ODAD4: variants seen among roughly 807,000 people sequenced by gnomAD.
The protein encoded by ODAD4 is outer dynein arm-docking complex subunit 4.
A neutral mutation model predicts 51.8 loss-of-function variants in ODAD4; 49 were observed. The ratio of observed to expected loss-of-function variants is 0.95; its 90% CI spans 0.75 to 1.20. The LOEUF is 1.20. Among genes scored for constraint, ODAD4 ranks in the 50% most tolerant of loss-of-function variants. The pLI is 0.00. For missense variants in ODAD4, 590 were observed against 586.5 expected, an observed-to-expected ratio of 1.01 and a Z score of -0.06; for synonymous variants, 235 against 221.3, an observed-to-expected ratio of 1.06 and a Z score of -0.55.
intron 10 of ODAD4, among the ~76,000 whole-genome samples, chr17:41,958,678 A>G (rs2050765000): frequency 6.7e-6 from 1 of 149,444 alleles, no homozygotes; most frequent in Non-Finnish European, 1.5e-5. Context: ...AAAAAAAAAA[A>G]GTAAATAAAA....
chr17:41,933,386 C>T (rs533306580), intron 1 of ODAD4, among the ~76,000 whole-genome samples: 22 of 150,274 alleles, frequency 1.5e-4, no homozygotes, highest in Non-Finnish European at 2.1e-4. Flanking sequence ...TCAGGTGGCT[C>T]ATGCCTGTAA....
chr17:41,945,618 G>A (rs753645504), intron 8 of ODAD4, among the ~76,000 whole-genome samples: 40 of 152,198 alleles, frequency 2.6e-4, no homozygotes, highest in Non-Finnish European at 5.0e-4. Flanking sequence ...AAAAAGCTAG[G>A]CCGGGCGCAG....
At chr17:41,948,784 C>T (rs974788917) in intron 8 of ODAD4, among the ~76,000 whole-genome samples, 1 of 151,992 alleles carries the variant, frequency 6.6e-6, no homozygotes, top group Admixed American at 6.6e-5. Context: ...GGACTACAGG[C>T]GCCTGCCACC....
chr17:41,932,157 C>A (rs956925725), intron 1 of ODAD4, among the ~76,000 whole-genome samples: 1 of 152,142 alleles, frequency 6.6e-6, no homozygotes, highest in South Asian at 2.1e-4. Context: ...CCAACCTCCA[C>A]CTCCCAGGTT....
At position 41,957,239 on chromosome 17, in the gene ODAD4, A is replaced by G. The variant is rs78667249; in HGVS notation, c.1443+1922A>G. The stretch of plus-strand genomic sequence containing the variant: ...AGCAGTCCCCAAGCTTTTTGGCACC[A>G]GGCTCCAGTTTTGCAGAAGACAGTT... On this transcript the variant is annotated intron_variant, in intron 10 of 11. Transcript: ENST00000377540. Among the ~76,000 whole-genome samples the G allele has an allele frequency of 1.4e-3, 218 of 152,210 alleles. 5 individuals are homozygous for G. In the East Asian group the frequency reaches 0.037, roughly 26 times the overall value.
At chr17:41,930,939 G>T (rs1555636719) in intron 1 of ODAD4, 102 bp downstream of exon 1, 6 of 675,412 alleles carry the variant, frequency 8.9e-6, no homozygotes, top group Non-Finnish European at 1.4e-5. Context: ...TGTTGCCTAG[G>T]CTGGAGTGCA....
rs184299114 is a variant in ODAD4 at position 41,965,266 on chromosome 17, T to C, written c.1802T>C (p.Leu601Pro). 4.6e-4 allele frequency: 359 copies of C among 778,720 alleles called. 1 individual carries two copies. Among genetic ancestry groups the C allele is most frequent in the African/African-American group, 3.7e-3 (222 of 59,212 alleles). 48.2% of individuals were successfully genotyped at this position (778,720 alleles called of 1,614,324 possible). ...TCAGGAGAAACAGGCAGGAAGCTAC[T>C]AGAAGCTGGCAGAAGAGAGTCAAGA... ...TRSGETGRKL[L>P]EAGRRESREI... Residue 601 changes from leucine to proline, a missense_variant, in exon 12 of 12, where the codon CTA (leucine) becomes CCA (proline). Around this residue, in one of 3 missense-constraint regions of ODAD4, gnomAD observed 226 missense variants for 162.7 expected, o/e 1.39. Transcript: ENST00000377540.
At chr17:41,932,771 C>T (rs868961145) in intron 1 of ODAD4, among the ~76,000 whole-genome samples, 5 of 146,094 alleles carry the variant, frequency 3.4e-5, no homozygotes, top group African/African-American at 1.3e-4. Flanking sequence ...TGCTATGTTG[C>T]CCTGGCTGGT....
chr17:41,962,492 CA>C (rs1309876310), intron 11 of ODAD4, among the ~76,000 whole-genome samples: 1 of 152,158 alleles, frequency 6.6e-6, no homozygotes, highest in East Asian at 1.9e-4. Flanking sequence ...CCTAGAGGAA[CA>C]GGGGTGTTAA....
At chr17:41,951,901 A>T in intron 9 of ODAD4, among the ~76,000 whole-genome samples, 1 of 145,370 alleles carries the variant, frequency 6.9e-6, no homozygotes, top group East Asian at 2.1e-4. Context: ...AAAAAAAAAA[A>T]AAAAAAAAAA....
rs1247266786 is a variant in ODAD4, at chr17:41,938,746, A to G, written c.815A>G (p.His272Arg). 4.3e-6 allele frequency: 7 copies of G among 1,613,540 alleles called. No individual in the cohort carries two copies. Among genetic ancestry groups the G allele is most frequent in the Non-Finnish European group, 5.9e-6 (7 of 1,179,906 alleles). ...DHKRRPSQTA[H>R]YILKSLEDID... Reference sequence around the variant, plus strand: ...AAACGCCGTCCCTCACAGACAGCCCATTACATCCTCAAGAGCCTGGAGGAC... The same window carrying G: ...AAACGCCGTCCCTCACAGACAGCCCGTTACATCCTCAAGAGCCTGGAGGAC... The change falls in exon 6 of 12, where the codon CAT becomes CGT. Residue 272 changes from histidine to arginine, a missense_variant. Physicochemically the swap from His to Arg is conservative, Grantham distance 29 (BLOSUM62 0). Around this residue, in one of 3 missense-constraint regions of ODAD4, gnomAD observed 360 missense variants for 407.5 expected, o/e 0.88. Transcript: ENST00000377540.
rs781893097 is a variant in ODAD4, at chr17:41,965,469, A to G, written c.2005A>G (p.Lys669Glu). Reference protein sequence around the residue: ...ETKKTGNEMEKEYE With the variant: ...ETKKTGNEMEEEYE ...GAAAAAAACAGGAAATGAGATGGAA[A>G]AGGAATATGAATGAAGCCATCGGTA... The change falls in exon 12 of 12, where the codon AAG becomes GAG. Residue 669 changes from lysine to glutamate, a missense_variant. Lys to Glu is a moderately conservative substitution (Grantham distance 56). Transcript: ENST00000377540. 1 of 771,922 alleles carries G rather than the reference A, an allele frequency of 1.3e-6. No homozygotes were observed. Among genetic ancestry groups the G allele is most frequent in the Admixed American group, 1.7e-5 (1 of 57,250 alleles). 47.8% of individuals were successfully genotyped at this position (771,922 alleles called of 1,614,324 possible).
In ODAD4 at chr17:41,939,114, G is replaced by T. The variant is rs781844806; in HGVS notation, c.1000G>T (p.Gly334Trp). The stretch of plus-strand genomic sequence containing the variant: ...CATAGGGAATGCCCAGATTGAGCTG[G>T]GGCAGATGGAGGCAGCCCTGCAGAG... ...SCIGNAQIEL[G>W]QMEAALQSHR... is the part of the protein sequence containing the mutation. The change falls in exon 7 of 12, where the codon GGG becomes TGG. Residue 334 changes from glycine to tryptophan, a missense_variant. Around this residue, in one of 3 missense-constraint regions of ODAD4, gnomAD observed 360 missense variants for 407.5 expected, o/e 0.88. Transcript: ENST00000377540. 7.4e-6 allele frequency: 12 copies of T among 1,613,880 alleles called. No homozygotes were observed. Among genetic ancestry groups the T allele is most frequent in the Non-Finnish European group, 1.0e-5 (12 of 1,179,900 alleles).
chr17:41,943,889 G>T (rs1236736425), intron 7 of ODAD4, among the ~76,000 whole-genome samples: 2 of 152,118 alleles, frequency 1.3e-5, no homozygotes, highest in Non-Finnish European at 2.9e-5. Context: ...AACTATGGAG[G>T]CCAGGGGTTT....
Position 41,965,511 on chromosome 17 carries a change from A to ATTTCC in ODAD4, c.*28_*29insTTTCC. 1.3e-6 allele frequency: 1 copy of ATTTCC among 744,498 alleles called. No individual in the cohort carries two copies. The highest frequency in any genetic ancestry group is 2.5e-6 in the Non-Finnish European group (1 of 407,144). 46.1% of individuals were successfully genotyped at this position (744,498 alleles called of 1,614,324 possible). On this transcript the variant is annotated 3_prime_UTR_variant, in exon 12 of 12. Transcript: ENST00000377540. The stretch of plus-strand genomic sequence containing the variant: ...CCATCGGTAGAGATGAGGATCAGGA[A>ATTTCC]GCTGGTGTTCAGAGGGATCATGGGA...
intron 8 of ODAD4, 120 bp from the exon 9 acceptor site, chr17:41,949,033 A>G (rs1285678981): frequency 2.5e-6 from 1 of 397,010 alleles, no homozygotes; most frequent in Non-Finnish European, 4.4e-6. Flanking sequence ...CCTTGTATCC[A>G]AAAGAACTGG....
rs1555637635 is a variant in ODAD4, at chr17:41,935,587, C to T, written c.247-12C>T. On this transcript the variant is annotated splice_polypyrimidine_tract_variant and intron_variant, in intron 2 of 11. Transcript: ENST00000377540. The stretch of plus-strand genomic sequence containing the variant: ...TATCTGTTCACATTGATTTGATTTC[C>T]TCCCATTCCAGGGGATTTTGCAAAA... The T allele has an allele frequency of 1.9e-6, 3 of 1,607,916 alleles. No homozygotes were observed. The highest frequency in any genetic ancestry group is 2.5e-6 in the Non-Finnish European group (3 of 1,176,776).
intron 10 of ODAD4, among the ~76,000 whole-genome samples, chr17:41,958,089 T>C (rs2050756598): frequency 6.6e-6 from 1 of 152,174 alleles, no homozygotes; most frequent in Admixed American, 6.5e-5. Context: ...AACAGGTTTC[T>C]TATGCCTCAT....
chr17:41,932,355 ACCACC>A (rs1567926798), intron 1 of ODAD4, among the ~76,000 whole-genome samples: 1 of 151,892 alleles, frequency 6.6e-6, no homozygotes, highest in African/African-American at 2.4e-5. Context: ...ACAGGCGTGA[ACCACC>A]CCACCCAGTG....
Sources: gnomAD v4.1 joint callset for allele counts (sites outside exome capture counted in the v4.1 genomes callset) on GRCh38, gnomAD v4.1.1 for gene constraint, gnomAD v4.1.1 regional missense constraint, MANE v1.5 for transcripts, NCBI Gene and HGNC (gene_info 2026-07-23, HGNC 2026-07-21) for gene names.